MCU: variants seen among roughly 807,000 people sequenced by gnomAD.
MCU encodes the protein mitochondrial calcium uniporter.
A neutral mutation model predicts 45.2 loss-of-function variants in MCU; 12 were observed. The observed-to-expected ratio is 0.27, with a 90% CI of 0.17 to 0.43. The LOEUF (loss-of-function observed/expected upper bound fraction) is 0.43, where lower values mean the gene tolerates loss of function less well. MCU is among the 20% of genes least tolerant of loss of function. The probability of loss-of-function intolerance (pLI) is 1.00; values close to 1 mark genes in which losing one functional copy is unlikely to be tolerated. For missense variants in MCU, 324 were observed against 436.7 expected (o/e 0.74, Z 2.30); for synonymous variants, 160 against 165.1 (o/e 0.97, Z 0.24).
chr10:72,884,519 G>T (rs543818541), intron 7 of MCU, 137 bp downstream of exon 7: 1 of 584,444 alleles, frequency 1.7e-6, no homozygotes, highest in East Asian at 2.7e-5. Flanking sequence ...TTATTCCTCA[G>T]TTGATTACAG....
intron 1 of MCU, among the ~76,000 whole-genome samples, chr10:72,769,922 A>G (rs1212315309): frequency 6.6e-6 from 1 of 152,210 alleles, no homozygotes. Flanking sequence ...TTTAAAATAT[A>G]GGTATTTACA....
At chr10:72,834,294 A>G (rs1269937448) in intron 1 of MCU, 65 bp from the exon 2 acceptor site, 19 of 1,163,626 alleles carry the variant, frequency 1.6e-5, no homozygotes, top group South Asian at 8.0e-5. Context: ...TTTATTATAT[A>G]CACACACATA....
intron 4 of MCU, 130 bp from the exon 5 acceptor site, chr10:72,868,573 C>A: frequency 1.0e-5 from 7 of 691,286 alleles, no homozygotes; most frequent in South Asian, 2.3e-5. Context: ...AAAAAGAGAG[C>A]TATTACTTTC....
chr10:72,751,419 A>T (rs1311331957), intron 1 of MCU, among the ~76,000 whole-genome samples: 3 of 119,918 alleles, frequency 2.5e-5, no homozygotes, highest in Non-Finnish European at 4.8e-5. Flanking sequence ...CAGTGGCATG[A>T]TCTTGACTCA....
chr10:72,735,020 G>A (rs1004827395), intron 1 of MCU, among the ~76,000 whole-genome samples: 1 of 151,732 alleles, frequency 6.6e-6, no homozygotes, highest in Admixed American at 6.6e-5. Flanking sequence ...AGGCTTCAGT[G>A]GGCTGTGATC....
chr10:72,756,542 T>C (rs1294199150), intron 1 of MCU: 2 of 152,210 alleles, frequency 1.3e-5, no homozygotes, highest in Admixed American at 1.3e-4. Context: ...TCATTGCTCT[T>C]GGAGGCTGTG....
intron 1 of MCU, among the ~76,000 whole-genome samples, chr10:72,798,587 T>C (rs553628772): frequency 6.6e-6 from 1 of 152,182 alleles, no homozygotes; most frequent in African/African-American, 2.4e-5. Context: ...TAGCATTTTG[T>C]ATGCTCCTCT....
chr10:72,758,770 AT>A (rs1297481498), intron 1 of MCU, among the ~76,000 whole-genome samples: 2 of 152,092 alleles, frequency 1.3e-5, no homozygotes, highest in African/African-American at 4.8e-5. Flanking sequence ...TGTTTAATCT[AT>A]TTTCTTGACT....
intron 1 of MCU, among the ~76,000 whole-genome samples, chr10:72,706,772 C>T (rs200059248): frequency 1.3e-5 from 2 of 150,592 alleles, no homozygotes; most frequent in East Asian, 3.9e-4. Context: ...GTTGACCTCA[C>T]GATCTGCCCG....
At chr10:72,884,421 C>G in intron 7 of MCU, 39 bp downstream of exon 7, 3 of 1,132,574 alleles carry the variant, frequency 2.6e-6, no homozygotes, top group Non-Finnish European at 4.0e-6. Context: ...CCAGCCCTAT[C>G]TTGCATGGTT....
At chr10:72,796,276 C>CA (rs1564559140) in intron 1 of MCU, among the ~76,000 whole-genome samples, 4 of 151,786 alleles carry the variant, frequency 2.6e-5, no homozygotes, top group Non-Finnish European at 5.9e-5. Flanking sequence ...CTGTCTCTTC[C>CA]AAAAAAAGGA....
chr10:72,834,685 T>C (rs1279892044), intron 2 of MCU, among the ~76,000 whole-genome samples: 1 of 152,140 alleles, frequency 6.6e-6, no homozygotes, highest in African/African-American at 2.4e-5. Flanking sequence ...ATTTTTGAGA[T>C]GGAGCCTTGG....
chr10:72,821,796 AGGGTTCTT>A (rs1387811439), intron 1 of MCU, among the ~76,000 whole-genome samples: 9 of 152,192 alleles, frequency 5.9e-5, no homozygotes, highest in Non-Finnish European at 1.3e-4. Context: ...AAGGTATTAC[AGGGTTCTT>A]GCTTTTTTCA....
intron 1 of MCU, among the ~76,000 whole-genome samples, chr10:72,780,447 G>A (rs1442697971): frequency 2.0e-5 from 3 of 149,340 alleles, no homozygotes; most frequent in Non-Finnish European, 4.4e-5. Flanking sequence ...AAATAGCTGT[G>A]GAAGGACAAA....
chr10:72,725,783 T>C (rs894389441), intron 1 of MCU, among the ~76,000 whole-genome samples: 1 of 151,952 alleles, frequency 6.6e-6, no homozygotes, highest in African/African-American at 2.4e-5. Flanking sequence ...ACTTGGGAGA[T>C]TGAGGCAGAA....
chr10:72,818,833 C>T (rs1479468024), intron 1 of MCU, among the ~76,000 whole-genome samples: 5 of 144,052 alleles, frequency 3.5e-5, no homozygotes, highest in Admixed American at 2.0e-4. Context: ...AAGAGCAAAC[C>T]TCTGTCTCAA....
chr10:72,717,560 G>A lies in MCU; in HGVS notation c.150+25259G>A, dbSNP rs543421618. Among the ~76,000 whole-genome samples the A allele has an allele frequency of 3.3e-5, 5 of 152,166 alleles. No homozygotes were observed. In the South Asian group the frequency reaches 1.0e-3, roughly 32 times the overall value. On this transcript the variant is annotated intron_variant, in intron 1 of 7. Transcript: ENST00000373053. The stretch of plus-strand genomic sequence containing the variant: ...AGGTGTGAGCCACTGTGCCCAGCCG[G>A]GATTGCTTCTTAATGAGTCACTAAG...
At chr10:72,764,625 G>A (rs1843699879) in intron 1 of MCU, among the ~76,000 whole-genome samples, 1 of 152,164 alleles carries the variant, frequency 6.6e-6, no homozygotes, top group Non-Finnish European at 1.5e-5. Context: ...GGAAGACTAT[G>A]CAGTAGGGAA....
chr10:72,875,951 A>G (rs1845610671), intron 6 of MCU, among the ~76,000 whole-genome samples: 1 of 152,224 alleles, frequency 6.6e-6, no homozygotes, highest in South Asian at 2.1e-4. Flanking sequence ...GGGGAGTAAA[A>G]ACATATTGCA....
Sources: allele counts gnomAD v4.1 joint callset (sites outside exome capture counted in the v4.1 genomes callset), GRCh38; gene constraint gnomAD v4.1.1; transcripts MANE v1.5; gene names NCBI Gene and HGNC (gene_info 2026-07-23, HGNC 2026-07-21).